Variants in NCAN observed in about 807,000 individuals in gnomAD.
The protein encoded by NCAN is neurocan core protein.
NCAN carries 47 observed loss-of-function variants against 121.8 expected under a neutral mutation model. The ratio of observed to expected loss-of-function variants is 0.39; its 90% CI spans 0.31 to 0.49. NCAN has a LOEUF of 0.49. Ranked by LOEUF, NCAN falls within the 20% of genes least tolerant of loss-of-function variation. The pLI is 0.92. For synonymous variants in NCAN, 633 were observed against 702.0 expected (o/e 0.90, Z 1.55); for missense variants, 1,517 against 1,773.4 (o/e 0.86, Z 2.60).
Position 19,251,759 on chromosome 19 carries a change from T to C in NCAN, c.*1848T>C, listed in dbSNP as rs941342060. ...ATCTTCCTCCCTGTAGACATCTATCTTATTATGGTTATTATTCAGAAAACC... is the reference window on the plus strand; with the variant it reads ...ATCTTCCTCCCTGTAGACATCTATCCTATTATGGTTATTATTCAGAAAACC... On this transcript the variant is annotated 3_prime_UTR_variant, in exon 15 of 15. Transcript: ENST00000252575. 9 of 152,244 alleles carry C rather than the reference T, an allele frequency of 5.9e-5. No homozygotes were observed. Among genetic ancestry groups the C allele is most frequent in the Non-Finnish European group, 1.2e-4 (8 of 68,036 alleles). The allele number at this position is 152,244 out of a possible 1,614,324, so 9.4% of individuals were successfully genotyped here.
Position 19,242,119 on chromosome 19 carries a change from C to T in NCAN, c.3492+1434C>T, listed in dbSNP as rs189934047. ...CTGAGGCAGGAGAATCACTTGAACC[C>T]GGGAGGCAGAGGTTGCAGTGAGCCA... is the stretch of plus-strand genomic sequence containing the variant. On this transcript the variant is annotated intron_variant, in intron 12 of 14. Coordinates refer to ENST00000252575, the MANE Select transcript of NCAN (RefSeq NM_004386.3). Among the ~76,000 whole-genome samples, 772 of 151,298 alleles carry T rather than the reference C, an allele frequency of 5.1e-3. 2 individuals are homozygous for T. Among genetic ancestry groups the T allele is most frequent in the Non-Finnish European group, 8.2e-3 (557 of 67,746 alleles).
chr19:19,234,971 C>T lies in NCAN; in HGVS notation c.3137-12C>T. The stretch of plus-strand genomic sequence containing the variant: ...GCTGACCTCTAACTCAGTCTCTTCC[C>T]CTCTCTGCCAGACATTGATGACTGC... On this transcript the variant is annotated splice_polypyrimidine_tract_variant and intron_variant, in intron 9 of 14. Coordinates refer to ENST00000252575, the MANE Select transcript of NCAN (RefSeq NM_004386.3). 1.9e-6 allele frequency: 3 copies of T among 1,583,484 alleles called. No individual in the cohort carries two copies. Among genetic ancestry groups the T allele is most frequent in the East Asian group, 4.5e-5 (2 of 44,540 alleles).
intron 8 of NCAN, among the ~76,000 whole-genome samples, chr19:19,228,996 T>C (rs948200773): frequency 1.3e-5 from 2 of 151,966 alleles, no homozygotes; most frequent in Non-Finnish European, 2.9e-5. Context: ...TCACTTGAGG[T>C]CAGGAGTTCA....
At chr19:19,224,000 A>G (rs1476306299) in intron 3 of NCAN, 21 bp from the exon 4 acceptor site, 1 of 1,502,674 alleles carries the variant, frequency 6.7e-7, no homozygotes, top group Admixed American at 2.2e-5. Context: ...CTGTCCCCCC[A>G]TCCTGGATGT....
At chr19:19,229,455 C>T (rs2060850421) in intron 8 of NCAN, among the ~76,000 whole-genome samples, 1 of 152,064 alleles carries the variant, frequency 6.6e-6, no homozygotes, top group Admixed American at 6.6e-5. Context: ...AGCTGGAATT[C>T]GGTGATTTGA....
chr19:19,217,129 G>A, intron 2 of NCAN, 103 bp downstream of exon 2: 1 of 796,850 alleles, frequency 1.3e-6, no homozygotes. Context: ...CCTGGCATGG[G>A]CTAGAGAATA....
intron 13 of NCAN, among the ~76,000 whole-genome samples, chr19:19,245,697 C>T (rs566922169): frequency 7.9e-5 from 12 of 152,084 alleles, no homozygotes; most frequent in South Asian, 2.1e-4. Context: ...AGGCTGGTCC[C>T]GAACTCCTGG....
chr19:19,218,862 C>T (rs1014375632), intron 2 of NCAN, 53 bp from the exon 3 acceptor site: 89 of 1,440,130 alleles, frequency 6.2e-5, no homozygotes, highest in Non-Finnish European at 7.8e-5. Context: ...ATAGCAGTCC[C>T]TGCTTGGTTC....
At chr19:19,213,506 G>GGA (rs1491523577) in intron 1 of NCAN, among the ~76,000 whole-genome samples, 2 of 75,722 alleles carry the variant, frequency 2.6e-5, no homozygotes, top group African/African-American at 1.3e-4. Context: ...GGGTTTATGT[G>GGA]GGGGGGGGGG....
At chr19:19,241,682 A>G (rs1317753827) in intron 12 of NCAN, among the ~76,000 whole-genome samples, 1 of 151,910 alleles carries the variant, frequency 6.6e-6, no homozygotes, top group African/African-American at 2.4e-5. Context: ...TAAAAATATA[A>G]AAATAAAAAT....
intron 8 of NCAN, among the ~76,000 whole-genome samples, chr19:19,229,109 G>A (rs1728282089): frequency 6.6e-6 from 1 of 152,242 alleles, no homozygotes; most frequent in Admixed American, 6.5e-5. Flanking sequence ...TGGGGAAGCT[G>A]AGGCATAAGA....
intron 8 of NCAN, 74 bp from the exon 9 acceptor site, chr19:19,233,715 C>A: frequency 1.1e-6 from 1 of 918,192 alleles, no homozygotes; most frequent in Non-Finnish European, 1.8e-6. Context: ...GGTTTGGGGG[C>A]CTGGGGTCTT....
intron 12 of NCAN, 136 bp from the exon 13 acceptor site, chr19:19,245,177 G>A (rs2060920001): frequency 9.4e-7 from 1 of 1,064,356 alleles, no homozygotes; most frequent in Non-Finnish European, 1.3e-6. Flanking sequence ...GCAGGACAGT[G>A]GCCATTGTAG....
chr19:19,244,508 CTTG>C (rs912432921), intron 12 of NCAN, among the ~76,000 whole-genome samples: 12 of 151,870 alleles, frequency 7.9e-5, no homozygotes, highest in African/African-American at 2.9e-4. Context: ...AGGGTTTCAC[CTTG>C]TTGTCCAAGG....
chr19:19,248,645 A>G, intron 13 of NCAN, 55 bp from the exon 14 acceptor site: 1 of 1,539,380 alleles, frequency 6.5e-7, no homozygotes, highest in Admixed American at 1.8e-5. Flanking sequence ...AACAACAACA[A>G]CTAGTTTAGC....
At position 19,227,962 on chromosome 19, in the gene NCAN, C is replaced by T; in HGVS notation, c.2342C>T (p.Pro781Leu). The change falls in exon 8 of 15, where the codon CCC becomes CTC. Residue 781 changes from proline (P) to leucine (L), a missense_variant. Transcript: ENST00000252575. This position sits in a 1 kb window ranked among gnomAD's most constrained non-coding sequence, Gnocchi z 4.2. ...GCCACTGTAGATGAGGTGCAGGACCCCTGGCCCTCAGTGTACAGCAAAGGG... is the reference window on the plus strand; with the variant it reads ...GCCACTGTAGATGAGGTGCAGGACCTCTGGCCCTCAGTGTACAGCAAAGGG... The part of the protein sequence containing the change: ...LQATVDEVQD[P>L]WPSVYSKGLD... The T allele has an allele frequency of 1.9e-6, 3 of 1,613,364 alleles. No individual in the cohort carries two copies. The highest frequency in any genetic ancestry group is 8.5e-7 in the Non-Finnish European group (1 of 1,179,936).
At chr19:19,214,123 G>A (rs1048398130) in intron 1 of NCAN, among the ~76,000 whole-genome samples, 6 of 152,090 alleles carry the variant, frequency 3.9e-5, no homozygotes, top group Non-Finnish European at 7.4e-5. Flanking sequence ...ACTCACAAAT[G>A]CCCATTGGCA....
chr19:19,224,576 C>G, intron 5 of NCAN, 143 bp downstream of exon 5: 1 of 1,163,500 alleles, frequency 8.6e-7, no homozygotes, highest in Non-Finnish European at 1.2e-6. Context: ...TGATTCCACT[C>G]ATTTTCTGAG....
Position 19,225,354 on chromosome 19 carries a change from G to A in NCAN, c.1072+84G>A, listed in dbSNP as rs1251670999. ...CCCTGAAAGCCTCGCCAAGCCAAGG[G>A]AGAGACACATGGAAGCTCGCTTTGT... On this transcript the variant is annotated intron_variant, in intron 6 of 14. Transcript: ENST00000252575. This position sits in a 1 kb window ranked among gnomAD's most constrained non-coding sequence, Gnocchi z 4.0. 13 of 1,403,192 alleles carry A rather than the reference G, an allele frequency of 9.3e-6. No homozygotes were observed. The highest frequency in any genetic ancestry group is 3.1e-5 in the Admixed American group (1 of 31,860). The allele number at this position is 1,403,192 out of a possible 1,614,324, so 86.9% of individuals were successfully genotyped here.
Sources: allele counts gnomAD v4.1 joint callset (sites outside exome capture counted in the v4.1 genomes callset), GRCh38; gene constraint gnomAD v4.1.1; non-coding constraint Gnocchi (gnomAD v3.1); transcripts MANE v1.5; gene names NCBI Gene and HGNC (gene_info 2026-07-23, HGNC 2026-07-21).